Variants in NDUFS6 observed in about 807,000 individuals in gnomAD.
NDUFS6 encodes NADH dehydrogenase [ubiquinone] iron-sulfur protein 6, mitochondrial.
In NDUFS6, 14 loss-of-function variants were observed where a neutral mutation model predicts 13.2. The ratio of observed to expected loss-of-function variants is 1.06; its 90% confidence interval spans 0.70 to 1.66. The LOEUF (loss-of-function observed/expected upper bound fraction) is 1.66, where lower values mean the gene tolerates loss of function less well. NDUFS6 is among the 40% of genes most tolerant of loss of function. NDUFS6 has a pLI of 0.00. For missense variants in NDUFS6, 206 were observed against 170.8 expected (o/e 1.21, Z -1.15); for synonymous variants, 95 against 72.3 (o/e 1.31, Z -1.60).
intron 2 of NDUFS6, among the ~76,000 whole-genome samples, chr5:1,804,728 AG>A (rs758701748): frequency 3.3e-5 from 5 of 152,392 alleles, no homozygotes; most frequent in South Asian, 2.1e-4. Context: ...TGAAGAAAGT[AG>A]GGTTTTCACA....
intron 2 of NDUFS6, among the ~76,000 whole-genome samples, chr5:1,813,689 C>T (rs1734255906): frequency 6.6e-6 from 1 of 152,168 alleles, no homozygotes; most frequent in African/African-American, 2.4e-5. Flanking sequence ...CCCGCACATG[C>T]CTATGAGTCA....
At chr5:1,812,506 T>C (rs868691599) in intron 2 of NDUFS6, among the ~76,000 whole-genome samples, 7 of 42,238 alleles carry the variant, frequency 1.7e-4, no homozygotes, top group South Asian at 6.7e-4. Flanking sequence ...GATTATCCCA[T>C]GTGGCAAATT....
In NDUFS6 at chr5:1,809,105, C is replaced by A. The variant is rs190303857; in HGVS notation, c.187-5234C>A. Among the ~76,000 whole-genome samples the A allele has an allele frequency of 3.7e-4, 56 of 152,236 alleles. 1 individual carries two copies. Among genetic ancestry groups the A allele is most frequent in the African/African-American group, 1.3e-3 (52 of 41,544 alleles). The stretch of plus-strand genomic sequence containing the variant: ...GGACTTTGACTCCTAAAGATTTAAA[C>A]CTACATATCTTTATGCCCAATCATT... On this transcript the variant is annotated intron_variant, in intron 2 of 3. Transcript: ENST00000274137.
intron 2 of NDUFS6, among the ~76,000 whole-genome samples, chr5:1,812,180 AGT>A (rs1349655671): frequency 6.6e-6 from 1 of 151,998 alleles, no homozygotes; most frequent in Non-Finnish European, 1.5e-5. Flanking sequence ...AGGACTGGAG[AGT>A]GTGCATGAAG....
At chr5:1,801,718 G>T (rs1734046099) in intron 1 of NDUFS6, among the ~76,000 whole-genome samples, 169 bp downstream of exon 1, 1 of 152,244 alleles carries the variant, frequency 6.6e-6, no homozygotes, top group African/African-American at 2.4e-5. Context: ...AGTCGGGACG[G>T]TGGTGGCAGC....
At chr5:1,812,090 G>C (rs1478541465) in intron 2 of NDUFS6, among the ~76,000 whole-genome samples, 1 of 152,136 alleles carries the variant, frequency 6.6e-6, no homozygotes, top group African/African-American at 2.4e-5. Flanking sequence ...AATTTATAAG[G>C]AACAGAGATT....
intron 2 of NDUFS6, among the ~76,000 whole-genome samples, chr5:1,810,087 G>A (rs1013716033): frequency 1.3e-5 from 2 of 152,254 alleles, no homozygotes; most frequent in Admixed American, 6.5e-5. Context: ...CTGCGTGTGT[G>A]TTCTCTGTGA....
intron 1 of NDUFS6, chr5:1,802,095 G>T: frequency 1.8e-6 from 1 of 548,528 alleles, no homozygotes; most frequent in South Asian, 2.1e-5. Context: ...CACCTTCCCG[G>T]GCTATGTCTC....
In NDUFS6 at chr5:1,802,367, A is replaced by G. The variant is rs751003359; in HGVS notation, c.179A>G (p.Gln60Arg). The G allele has an allele frequency of 6.2e-7, 1 of 1,613,870 alleles. No individual in the cohort carries two copies. The highest frequency in any genetic ancestry group is 1.7e-5 in the Admixed American group (1 of 59,994). Residue 60 changes from glutamine (Q) to arginine (R), a missense_variant, in exon 2 of 4, where the codon CAG becomes CGG. Transcript: ENST00000274137. ...AGGAGAATTCGGTTTGTAGGTCGTCAGAAAGAGGTGAGTAAAAAATCTAGT... is the reference window on the plus strand; with the variant it reads ...AGGAGAATTCGGTTTGTAGGTCGTCGGAAAGAGGTGAGTAAAAAATCTAGT... Reference protein sequence around the residue: ...DYRRIRFVGRQKEVNENFAID... With the variant: ...DYRRIRFVGRRKEVNENFAID...
chr5:1,814,273 G>A lies in NDUFS6; in HGVS notation c.187-66G>A. The A allele has an allele frequency of 1.3e-6, 2 of 1,540,128 alleles. No individual in the cohort carries two copies. Among genetic ancestry groups the A allele is most frequent in the South Asian group, 2.3e-5 (2 of 88,592 alleles). On this transcript the variant is annotated intron_variant, in intron 2 of 3. Coordinates refer to ENST00000274137, the MANE Select transcript of NDUFS6 (RefSeq NM_004553.6). This position sits in a 1 kb window ranked among gnomAD's most constrained non-coding sequence, Gnocchi z 4.9. ...GATGGTACATGAATTTGTGTGTGGT[G>A]GGTTAAATTGTATGTAGTTAGCAAG...
intron 1 of NDUFS6, chr5:1,802,024 TA>T (rs1734053518): frequency 4.4e-6 from 2 of 455,820 alleles, no homozygotes. Context: ...TCTCAGGCCA[TA>T]TGCCAAAGAA....
At chr5:1,809,465 T>A (rs1408918725) in intron 2 of NDUFS6, among the ~76,000 whole-genome samples, 1 of 152,094 alleles carries the variant, frequency 6.6e-6, no homozygotes, top group African/African-American at 2.4e-5. Context: ...CGTGGCTGGG[T>A]GTGTTCACTG....
At chr5:1,812,882 G>A (rs761559360) in intron 2 of NDUFS6, among the ~76,000 whole-genome samples, 119 of 152,000 alleles carry the variant, frequency 7.8e-4, no homozygotes, top group Non-Finnish European at 1.3e-3. Context: ...GTGAAACCCT[G>A]TCTCTACTAA....
chr5:1,815,941 G>A lies in NDUFS6; in HGVS notation c.*25G>A, dbSNP rs1048128. On this transcript the variant is annotated 3_prime_UTR_variant, in exon 4 of 4. Coordinates refer to ENST00000274137, the MANE Select transcript of NDUFS6 (RefSeq NM_004553.6). ...GAGCGTGTGGCACGCCGGGGGTCCC[G>A]CAGCATCCTGTGAGCATTTCCGCGG... The A allele has an allele frequency of 2.8e-5, 45 of 1,613,514 alleles. No homozygotes were observed. The highest frequency in any genetic ancestry group is 3.3e-4 in the Middle Eastern group (2 of 6,084).
At position 1,801,462 on chromosome 5, in the gene NDUFS6, C is replaced by G. The variant is rs534270884; in HGVS notation, c.45C>G (p.Gly15=). 36 of 1,604,064 alleles carry G rather than the reference C, an allele frequency of 2.2e-5. No individual in the cohort carries two copies. The Middle Eastern group carries it at 5.0e-4, about 22-fold the overall frequency. The part of the protein sequence containing the change: ...MTFCRLLNRC[G]EAARSLPLGA... ...TCTGCCGGCTGCTGAACCGGTGTGG[C>G]GAGGCGGCGCGGAGCCTGCCCCTGG... Residue 15 remains glycine, a synonymous_variant, in exon 1 of 4, where the codon GGC becomes GGG. Transcript: ENST00000274137.
In NDUFS6 at chr5:1,801,435, C is replaced by G. The variant is rs757700157; in HGVS notation, c.18C>G (p.Thr6=). The change falls in exon 1 of 4, where the codon ACC becomes ACG. Residue 6 remains threonine (T), a synonymous_variant. Coordinates refer to ENST00000274137, the MANE Select transcript of NDUFS6 (RefSeq NM_004553.6). The stretch of plus-strand genomic sequence containing the variant: ...GGCGCAAAATGGCGGCGGCGATGAC[C>G]TTCTGCCGGCTGCTGAACCGGTGTG... MAAAM[T]FCRLLNRCGE... is the part of the protein sequence containing the mutation. 2.5e-6 allele frequency: 4 copies of G among 1,605,100 alleles called. No individual in the cohort carries two copies. Among genetic ancestry groups the G allele is most frequent in the South Asian group, 1.1e-5 (1 of 90,872 alleles).
At chr5:1,805,276 G>A (rs545996698) in intron 2 of NDUFS6, among the ~76,000 whole-genome samples, 2 of 152,294 alleles carry the variant, frequency 1.3e-5, no homozygotes, top group Admixed American at 1.3e-4. Context: ...GCTGCAGGGA[G>A]CTGAGATCAT....
intron 2 of NDUFS6, among the ~76,000 whole-genome samples, chr5:1,805,568 G>A (rs1734110467): frequency 6.6e-6 from 1 of 152,228 alleles, no homozygotes; most frequent in South Asian, 2.1e-4. Flanking sequence ...CCCCCAGCCA[G>A]AAGTCAGGCC....
At chr5:1,810,057 G>T (rs1360499901) in intron 2 of NDUFS6, among the ~76,000 whole-genome samples, 1 of 147,742 alleles carries the variant, frequency 6.8e-6, no homozygotes, top group African/African-American at 2.5e-5. Flanking sequence ...CTGTGAGGGA[G>T]AGTGGTGCCC....
Sources: gnomAD v4.1 joint callset for allele counts (sites outside exome capture counted in the v4.1 genomes callset) on GRCh38, gnomAD v4.1.1 for gene constraint, Gnocchi (gnomAD v3.1) non-coding constraint, MANE v1.5 for transcripts, NCBI Gene and HGNC (gene_info 2026-07-23, HGNC 2026-07-21) for gene names.